The following ABHD12 variants were observed in gnomAD, a reference collection of about 807,000 sequenced individuals.
ABHD12 encodes the protein abhydrolase domain containing 12, lysophospholipase, also known as lysophosphatidylserine lipase ABHD12.
ABHD12 carries 43 observed loss-of-function variants against 58.3 expected under a neutral mutation model. The ratio of observed to expected loss-of-function variants is 0.74; its 90% confidence interval spans 0.58 to 0.95. The LOEUF is 0.95. Among genes scored for constraint, ABHD12 ranks in the 40% least tolerant of loss-of-function variants. The probability of loss-of-function intolerance (pLI) is 0.00; values close to 1 mark genes in which losing one functional copy is unlikely to be tolerated. For synonymous variants in ABHD12, 219 were observed against 211.2 expected, an observed-to-expected ratio of 1.04 and a Z score of -0.32; for missense variants, 539 against 537.2, an observed-to-expected ratio of 1.00 and a Z score of -0.03.
intron 2 of ABHD12, chr20:25,338,958 G>A: frequency 1.6e-6 from 2 of 1,235,860 alleles, no homozygotes; most frequent in Non-Finnish European, 2.1e-6. Flanking sequence ...GTGCTGGGGA[G>A]CAACACTAGC....
chr20:25,297,840 G>A (rs1474945316), downstream of ABHD12: 1 of 146,612 alleles, frequency 6.8e-6, no homozygotes, highest in Non-Finnish European at 1.5e-5. Context: ...TGGGGCAAGT[G>A]CTGGGCTGTG....
At chr20:25,296,867 T>C (rs963138509), downstream of ABHD12, 2 of 238,442 alleles carry the variant, frequency 8.4e-6, no homozygotes, top group Non-Finnish European at 8.2e-6. Context: ...TATTAGCCGA[T>C]GTCTTTAGTG....
chr20:25,372,127 A>G (rs2089906645), intron 1 of ABHD12, among the ~76,000 whole-genome samples: 1 of 152,166 alleles, frequency 6.6e-6, no homozygotes, highest in South Asian at 2.1e-4. Context: ...TTGATCTCCC[A>G]AAGTGCTGGG....
intron 10 of ABHD12, among the ~76,000 whole-genome samples, chr20:25,305,016 G>A (rs1315941675): frequency 6.6e-6 from 1 of 152,048 alleles, no homozygotes; most frequent in Non-Finnish European, 1.5e-5. Flanking sequence ...GGGATTACAG[G>A]CATGTGCCAC....
At chr20:25,318,192 G>A (rs1409752692) in intron 4 of ABHD12, among the ~76,000 whole-genome samples, 1 of 152,190 alleles carries the variant, frequency 6.6e-6, no homozygotes. Context: ...GTGGGTGACT[G>A]TAATCCCAGC....
At chr20:25,298,887 C>A (rs1168613773), downstream of ABHD12, among the ~76,000 whole-genome samples, 1 of 152,188 alleles carries the variant, frequency 6.6e-6, no homozygotes, top group Non-Finnish European at 1.5e-5. Flanking sequence ...ATCCCCACAC[C>A]CACCATGCAT....
At chr20:25,372,620 T>G (rs560370160) in intron 1 of ABHD12, among the ~76,000 whole-genome samples, 1 of 152,362 alleles carries the variant, frequency 6.6e-6, no homozygotes, top group Non-Finnish European at 1.5e-5. Flanking sequence ...TTTGGACGGA[T>G]AGCTTTTTCT....
At chr20:25,302,475 A>C (rs1600760200) in intron 11 of ABHD12, 129 bp from the exon 12 acceptor site, 22 of 1,261,084 alleles carry the variant, frequency 1.7e-5, no homozygotes. Context: ...GCTTGTTGCC[A>C]CAGCCGGTCA....
At chr20:25,351,161 T>G (rs1568751895) in intron 1 of ABHD12, among the ~76,000 whole-genome samples, 1 of 152,210 alleles carries the variant, frequency 6.6e-6, no homozygotes, top group Non-Finnish European at 1.5e-5. Flanking sequence ...TCTAAGTTGG[T>G]GGAAGAAAGG....
At chr20:25,358,121 T>C (rs1434313467) in intron 1 of ABHD12, among the ~76,000 whole-genome samples, 3 of 152,184 alleles carry the variant, frequency 2.0e-5, no homozygotes, top group East Asian at 1.9e-4. Flanking sequence ...GGAAGTCACA[T>C]TGGCAACAGT....
At chr20:25,336,398 T>G (rs2089369535) in intron 2 of ABHD12, among the ~76,000 whole-genome samples, 2 of 152,200 alleles carry the variant, frequency 1.3e-5, no homozygotes, top group Non-Finnish European at 1.5e-5. Context: ...CCTTACATTG[T>G]AGGTGCTATG....
intron 9 of ABHD12, among the ~76,000 whole-genome samples, 181 bp downstream of exon 9, chr20:25,307,785 C>G (rs1017978991): frequency 6.6e-6 from 1 of 152,240 alleles, no homozygotes; most frequent in African/African-American, 2.4e-5. Flanking sequence ...CACCTGGCTG[C>G]AGGTTATACT....
At chr20:25,390,476 G>GGGGGGC in intron 1 of ABHD12, 37 bp downstream of exon 1, 5 of 1,031,702 alleles carry the variant, frequency 4.8e-6, no homozygotes, top group Middle Eastern at 3.3e-4. Context: ...GTGAGGGACC[G>GGGGGGC]GCCCCCCCCC....
intron 1 of ABHD12, among the ~76,000 whole-genome samples, chr20:25,370,059 G>A (rs1490960226): frequency 3.3e-5 from 5 of 151,078 alleles, no homozygotes; most frequent in Non-Finnish European, 5.9e-5. Flanking sequence ...TTTTCTTAAA[G>A]AAATGCACAA....
intron 3 of ABHD12, among the ~76,000 whole-genome samples, chr20:25,321,856 G>T (rs2089072300): frequency 6.6e-6 from 1 of 152,168 alleles, no homozygotes; most frequent in Non-Finnish European, 1.5e-5. Flanking sequence ...AGTGACAAAA[G>T]ACTTTAATCC....
chr20:25,296,225 A>G, downstream of ABHD12: 2 of 999,404 alleles, frequency 2.0e-6, no homozygotes, highest in South Asian at 3.1e-5. Context: ...TCAACGAACA[A>G]GTGATTGTAA....
At chr20:25,354,170 A>G (rs2089638412) in intron 1 of ABHD12, among the ~76,000 whole-genome samples, 2 of 152,266 alleles carry the variant, frequency 1.3e-5, no homozygotes, top group African/African-American at 4.8e-5. Context: ...TATAGCCTCA[A>G]TAAATCAACT....
intron 1 of ABHD12, among the ~76,000 whole-genome samples, chr20:25,349,278 C>T (rs1335469192): frequency 6.6e-6 from 1 of 152,028 alleles, no homozygotes; most frequent in Non-Finnish European, 1.5e-5. Flanking sequence ...AGTATAAAAA[C>T]GAATCAGGTA....
intron 5 of ABHD12, 30 bp downstream of exon 5, chr20:25,317,018 G>A (rs199629009): frequency 1.0e-4 from 166 of 1,609,474 alleles, no homozygotes; most frequent in Non-Finnish European, 7.8e-5. Context: ...AACAGCCCAG[G>A]GAACAGGTGT....
Sources: allele counts gnomAD v4.1 joint callset (sites outside exome capture counted in the v4.1 genomes callset), GRCh38; gene constraint gnomAD v4.1.1; transcripts MANE v1.5; gene names NCBI Gene and HGNC (gene_info 2026-07-23, HGNC 2026-07-21).